The following MLPH variants were observed in gnomAD, a reference collection of about 807,000 sequenced individuals.
MLPH encodes the protein exophilin-3.
MLPH carries 51 observed loss-of-function variants against 72.1 expected under a neutral mutation model. The observed-to-expected ratio is 0.71, with a 90% confidence interval of 0.56 to 0.89. The LOEUF (loss-of-function observed/expected upper bound fraction) is 0.89. Among genes scored for constraint, MLPH ranks in the 40% least tolerant of loss-of-function variants. The pLI, the probability that MLPH is intolerant of heterozygous loss-of-function variation, is 0.00. For missense variants in MLPH, 743 were observed against 759.9 expected, an observed-to-expected ratio of 0.98 and a Z score of 0.26; for synonymous variants, 301 against 310.1, an observed-to-expected ratio of 0.97 and a Z score of 0.31.
chr2:237,500,384 G>A (rs2079621528), intron 2 of MLPH, among the ~76,000 whole-genome samples: 1 of 152,196 alleles, frequency 6.6e-6, no homozygotes, highest in South Asian at 2.1e-4. Context: ...GCAGCCACTA[G>A]CCACCCAAGG....
At chr2:237,546,566 G>A in intron 12 of MLPH, 40 bp from the exon 13 acceptor site, 1 of 1,573,422 alleles carries the variant, frequency 6.4e-7, no homozygotes. Flanking sequence ...CCTGTGGCTG[G>A]AGGTTCAACA....
intron 2 of MLPH, among the ~76,000 whole-genome samples, chr2:237,503,553 G>A (rs1487638983): frequency 6.6e-6 from 1 of 152,186 alleles, no homozygotes; most frequent in African/African-American, 2.4e-5. Context: ...GCCCTGACGT[G>A]AGGTTTACTT....
At position 237,541,320 on chromosome 2, in the gene MLPH, G is replaced by A. The variant is rs1009023423; in HGVS notation, c.1446+363G>A. Among the ~76,000 whole-genome samples, 1 of 152,220 alleles carries A rather than the reference G, an allele frequency of 6.6e-6. No homozygotes were observed. Among genetic ancestry groups the A allele is most frequent in the African/African-American group, 2.4e-5 (1 of 41,458 alleles). On this transcript the variant is annotated intron_variant, in intron 11 of 15. Coordinates refer to ENST00000264605, the MANE Select transcript of MLPH (RefSeq NM_024101.7). The surrounding 1 kb of genome is among the most constrained non-coding windows in gnomAD (Gnocchi z 5.1). ...CTCAGCACTGGACTCTGTCCGGAGG[G>A]CCATCTGTGAGTCTGAGTTGTGGCT...
At chr2:237,513,746 A>C (rs1324491483) in intron 4 of MLPH, among the ~76,000 whole-genome samples, 1 of 152,016 alleles carries the variant, frequency 6.6e-6, no homozygotes, top group Admixed American at 6.6e-5. Flanking sequence ...AGGCCCCAGA[A>C]AGCTCATTTC....
At chr2:237,513,405 C>T (rs1365959854) in intron 4 of MLPH, among the ~76,000 whole-genome samples, 1 of 152,212 alleles carries the variant, frequency 6.6e-6, no homozygotes, top group Non-Finnish European at 1.5e-5. Context: ...CTCTTTCCCT[C>T]GGTGGTAGCT....
chr2:237,488,851 G>A (rs915460226), intron 1 of MLPH, among the ~76,000 whole-genome samples: 3 of 152,156 alleles, frequency 2.0e-5, no homozygotes, highest in African/African-American at 4.8e-5. Context: ...ATGCAATAAC[G>A]GCTCAAATAA....
At chr2:237,519,639 C>T (rs2080134385) in intron 5 of MLPH, among the ~76,000 whole-genome samples, 1 of 152,210 alleles carries the variant, frequency 6.6e-6, no homozygotes, top group Non-Finnish European at 1.5e-5. Context: ...AGGGGTTCAG[C>T]TCAGTGTTCC....
At chr2:237,545,358 C>T (rs1229275114) in intron 12 of MLPH, 25 of 1,018,962 alleles carry the variant, frequency 2.5e-5, no homozygotes, top group African/African-American at 1.9e-4. Context: ...CCTCCCTTCC[C>T]GTGAACATCC....
intron 1 of MLPH, among the ~76,000 whole-genome samples, chr2:237,487,746 C>T (rs2079347816): frequency 6.6e-6 from 1 of 152,204 alleles, no homozygotes; most frequent in East Asian, 1.9e-4. Flanking sequence ...CCATTGCCTC[C>T]ATTGCGAGTC....
intron 9 of MLPH, among the ~76,000 whole-genome samples, chr2:237,535,295 A>G (rs1385561972): frequency 6.6e-6 from 1 of 152,090 alleles, no homozygotes; most frequent in African/African-American, 2.4e-5. Context: ...CAATAATGAT[A>G]TTAATCCATT....
intron 14 of MLPH, among the ~76,000 whole-genome samples, chr2:237,551,423 C>G (rs540111249): frequency 5.2e-5 from 8 of 152,392 alleles, no homozygotes; most frequent in Admixed American, 2.6e-4. Flanking sequence ...AAGCTCCCAG[C>G]TGATGTCACC....
At chr2:237,518,030 G>C (rs962839075) in intron 4 of MLPH, 5 of 254,274 alleles carry the variant, frequency 2.0e-5, no homozygotes, top group Non-Finnish European at 2.3e-5. Context: ...GGAGGGAGGG[G>C]TGGATGGGTG....
intron 2 of MLPH, 28 bp downstream of exon 2, chr2:237,493,564 G>A: frequency 6.3e-7 from 1 of 1,577,464 alleles, no homozygotes; most frequent in South Asian, 1.1e-5. Flanking sequence ...AGCCCACGGA[G>A]CCCGGGGTCC....
chr2:237,531,789 A>G (rs1341043528), intron 8 of MLPH, among the ~76,000 whole-genome samples: 2 of 152,310 alleles, frequency 1.3e-5, no homozygotes, highest in Non-Finnish European at 1.5e-5. Context: ...AATGGGGCCC[A>G]AAGTGGACTA....
At chr2:237,547,218 G>A (rs2080939509) in intron 13 of MLPH, among the ~76,000 whole-genome samples, 1 of 152,280 alleles carries the variant, frequency 6.6e-6, no homozygotes, top group African/African-American at 2.4e-5. Flanking sequence ...GCTGCCAGAG[G>A]TGAAAACACT....
At position 237,505,873 on chromosome 2, in the gene MLPH, G is replaced by A. The variant is rs2079757813; in HGVS notation, c.111-4701G>A. ...GTGTCCCAGGGCCCTCTGGAGGTGG[G>A]ACTGCAGAGGACAGTAATGTGGGTC... On this transcript the variant is annotated intron_variant, in intron 2 of 15. Coordinates refer to ENST00000264605, the MANE Select transcript of MLPH (RefSeq NM_024101.7). This position sits in a 1 kb window ranked among gnomAD's most constrained non-coding sequence, Gnocchi z 4.5. 6.6e-6 allele frequency among the ~76,000 whole-genome samples: 1 copy of A among 152,216 alleles called. No homozygotes were observed. Among genetic ancestry groups the A allele is most frequent in the South Asian group, 2.1e-4 (1 of 4,832 alleles).
chr2:237,521,969 G>A (rs1459883765), intron 6 of MLPH, among the ~76,000 whole-genome samples: 1 of 79,670 alleles, frequency 1.3e-5, no homozygotes, highest in African/African-American at 5.0e-5. Context: ...TCAAACACCT[G>A]CTACAACTAT....
Position 237,552,414 on chromosome 2 carries a change from G to C in MLPH, c.1753G>C (p.Gly585Arg). The change falls in exon 15 of 16, where the codon GGA (glycine) becomes CGA (arginine). Residue 585 changes from glycine (G) to arginine (R), a missense_variant. Physicochemically the swap from Gly to Arg is moderately radical, Grantham distance 125. Transcript: ENST00000264605. ...LTQRNPNARK[G>R]MASHTFAKPV... ...ACAGAGAAACCCCAACGCGAGGAAAGGAATGGCCAGCCACACCTTCGCGGT... is the reference window on the plus strand; with the variant it reads ...ACAGAGAAACCCCAACGCGAGGAAACGAATGGCCAGCCACACCTTCGCGGT... 1 of 1,614,068 alleles carries C rather than the reference G, an allele frequency of 6.2e-7. No individual in the cohort carries two copies. Among genetic ancestry groups the C allele is most frequent in the Non-Finnish European group, 8.5e-7 (1 of 1,179,990 alleles).
At chr2:237,488,961 A>G (rs2079374797) in intron 1 of MLPH, among the ~76,000 whole-genome samples, 1 of 151,682 alleles carries the variant, frequency 6.6e-6, no homozygotes, top group East Asian at 1.9e-4. Context: ...ACTCCTCCCC[A>G]CTACCCCCAC....
Sources: gnomAD v4.1 joint callset for allele counts (sites outside exome capture counted in the v4.1 genomes callset) on GRCh38, gnomAD v4.1.1 for gene constraint, Gnocchi (gnomAD v3.1) non-coding constraint, MANE v1.5 for transcripts, NCBI Gene and HGNC (gene_info 2026-07-23, HGNC 2026-07-21) for gene names.